TRIP11: variants seen among roughly 807,000 people sequenced by gnomAD.
The protein encoded by TRIP11 is thyroid receptor-interacting protein 11.
In TRIP11, 148 loss-of-function variants were observed where a neutral mutation model predicts 223.1. The ratio of observed to expected loss-of-function variants is 0.66; its 90% CI spans 0.58 to 0.76. TRIP11 has a LOEUF of 0.76. Among genes scored for constraint, TRIP11 ranks in the 30% least tolerant of loss-of-function variants. The probability of loss-of-function intolerance (pLI) is 0.00; values close to 1 mark genes in which losing one functional copy is unlikely to be tolerated. For missense variants in TRIP11, 2,043 were observed against 2,222.0 expected, an observed-to-expected ratio of 0.92 and a Z score of 1.62; for synonymous variants, 762 against 772.6, an observed-to-expected ratio of 0.99 and a Z score of 0.23.
chr14:91,992,529 T>C (rs2056687279), intron 15 of TRIP11, among the ~76,000 whole-genome samples: 2 of 152,168 alleles, frequency 1.3e-5, no homozygotes, highest in Admixed American at 1.3e-4. Flanking sequence ...GGGACGTTAA[T>C]GTTCCTGAAG....
chr14:92,001,845 T>G (rs932790836), intron 11 of TRIP11, among the ~76,000 whole-genome samples: 1 of 152,188 alleles, frequency 6.6e-6, no homozygotes. Flanking sequence ...TCACATCAAT[T>G]ATAGACCAGT....
intron 20 of TRIP11, 85 bp downstream of exon 20, chr14:91,972,632 A>T: frequency 2.9e-6 from 4 of 1,397,966 alleles, no homozygotes; most frequent in Non-Finnish European, 9.7e-7. Flanking sequence ...AAATACTAAA[A>T]ATTTAGTTAA....
chr14:91,977,079 C>T (rs1239524153), intron 16 of TRIP11: 4 of 289,280 alleles, frequency 1.4e-5, no homozygotes, highest in Non-Finnish European at 2.8e-5. Flanking sequence ...AAGAGGAGAG[C>T]TCTATCTAGA....
chr14:91,984,398 C>A (rs535584102), intron 16 of TRIP11, among the ~76,000 whole-genome samples: 92 of 150,298 alleles, frequency 6.1e-4, no homozygotes, highest in African/African-American at 2.0e-3. Context: ...TCACCGCAAC[C>A]TCCACCTCCC....
chr14:92,018,989 ACT>A (rs2057076015), intron 4 of TRIP11, among the ~76,000 whole-genome samples: 1 of 150,996 alleles, frequency 6.6e-6, no homozygotes, highest in Non-Finnish European at 1.5e-5. Context: ...CAAAAAAAAA[ACT>A]TTCAGTTTCC....
intron 2 of TRIP11, among the ~76,000 whole-genome samples, chr14:92,025,895 A>AAAT (rs201160904): frequency 2.6e-5 from 4 of 151,506 alleles, no homozygotes; most frequent in Admixed American, 6.6e-5. Context: ...AAAAAAAAAA[A>AAAT]GCACTGACCA....
intron 1 of TRIP11, among the ~76,000 whole-genome samples, chr14:92,038,254 T>C (rs952470482): frequency 6.6e-6 from 1 of 152,052 alleles, no homozygotes; most frequent in East Asian, 1.9e-4. Context: ...GACATCCAGG[T>C]TGAGGGATGC....
intron 16 of TRIP11, among the ~76,000 whole-genome samples, chr14:91,977,416 A>G (rs746586296): frequency 6.6e-6 from 1 of 152,120 alleles, no homozygotes. Context: ...TTTTGAGTTA[A>G]TTTTTGTGCA....
intron 13 of TRIP11, among the ~76,000 whole-genome samples, chr14:91,996,334 G>C (rs1406795477): frequency 6.6e-6 from 1 of 152,148 alleles, no homozygotes; most frequent in African/African-American, 2.4e-5. Context: ...TGAACAAATG[G>C]CAGTCCTTTT....
intron 1 of TRIP11, among the ~76,000 whole-genome samples, chr14:92,035,534 T>TA (rs201413901): frequency 0.014 from 2,003 of 144,494 alleles, 36 homozygotes; most frequent in South Asian, 0.063. Flanking sequence ...TAATGAGCTT[T>TA]AAAAAAAAAA....
rs1229525494 is a variant in TRIP11 at position 91,990,374 on chromosome 14, GTTGT to G, written c.5161-1995_5161-1992del. ...TTAGATTTTGTTATTCTTTCTACCA[GTTGT>G]TTGGTTTTTATTTCATTAATTACAG... On this transcript the variant is annotated intron_variant, in intron 15 of 20. Transcript: ENST00000267622. 2.6e-5 allele frequency among the ~76,000 whole-genome samples: 4 copies of G among 151,766 alleles called. No individual in the cohort carries two copies. In the East Asian group the frequency reaches 7.7e-4, roughly 29 times the overall value.
Position 92,004,998 on chromosome 14 carries a change from A to G in TRIP11, c.2978T>C (p.Ile993Thr), listed in dbSNP as rs1289615450. Residue 993 changes from isoleucine to threonine, a missense_variant, in exon 11 of 21, where the codon ATT (isoleucine) becomes ACT (threonine). Physicochemically the swap from Ile to Thr is moderately conservative, Grantham distance 89. Coordinates refer to ENST00000267622, the MANE Select transcript of TRIP11 (RefSeq NM_004239.4). Reference protein sequence around the residue: ...RQDIQTDNSDIFQETKVQSLN... With the variant: ...RQDIQTDNSDTFQETKVQSLN... ...GCTCTGAACTTTTGTTTCTTGAAAAATATCAGAGTTATCTGTTTGAATGTC... is the reference window on the plus strand; with the variant it reads ...GCTCTGAACTTTTGTTTCTTGAAAAGTATCAGAGTTATCTGTTTGAATGTC... 3.7e-6 allele frequency: 6 copies of G among 1,613,714 alleles called. No individual in the cohort carries two copies. Among genetic ancestry groups the G allele is most frequent in the Non-Finnish European group, 5.1e-6 (6 of 1,180,008 alleles).
Position 91,969,544 on chromosome 14 carries a change from A to G in TRIP11, c.*129T>C. The stretch of plus-strand genomic sequence containing the variant: ...AAAAGCATTAGGAATATTTTTATTA[A>G]ATTCAGAGAAAGCATAATTGCGAAC... On this transcript the variant is annotated 3_prime_UTR_variant, in exon 21 of 21. Transcript: ENST00000267622. 1.1e-6 allele frequency: 1 copy of G among 917,508 alleles called. No homozygotes were observed. Among genetic ancestry groups the G allele is most frequent in the South Asian group, 1.4e-5 (1 of 71,180 alleles). The allele number at this position is 917,508 out of a possible 1,614,324, so 56.8% of individuals were successfully genotyped here.
rs774064475 is a variant in TRIP11 at position 91,974,751 on chromosome 14, A to G, written c.5458-8T>C. 1.1e-5 allele frequency: 17 copies of G among 1,596,112 alleles called. No individual in the cohort carries two copies. The highest frequency in any genetic ancestry group is 1.3e-5 in the African/African-American group (1 of 74,512). On this transcript the variant is annotated splice_region_variant and splice_polypyrimidine_tract_variant and intron_variant, in intron 18 of 20. Coordinates refer to ENST00000267622, the MANE Select transcript of TRIP11 (RefSeq NM_004239.4). ...CTGATCGTCATGAAACAACTGAAAG[A>G]TTATTTTAAAACAGACAAATATTAT...
intron 20 of TRIP11, among the ~76,000 whole-genome samples, chr14:91,972,516 T>G (rs1392419588): frequency 6.6e-6 from 1 of 152,220 alleles, no homozygotes; most frequent in Non-Finnish European, 1.5e-5. Context: ...CTAAGTCAAT[T>G]AAATATCAGA....
At chr14:92,025,254 A>G in intron 3 of TRIP11, 56 bp downstream of exon 3, 1 of 1,301,276 alleles carries the variant, frequency 7.7e-7, no homozygotes, top group Non-Finnish European at 1.1e-6. Flanking sequence ...AACTCTAAAA[A>G]CATACCTAAA....
rs779653134 is a variant in TRIP11, at chr14:91,969,925, TC to T, written c.5720-33del. On this transcript the variant is annotated intron_variant, in intron 20 of 20. Coordinates refer to ENST00000267622, the MANE Select transcript of TRIP11 (RefSeq NM_004239.4). The stretch of plus-strand genomic sequence containing the variant: ...AATAAAATATGGATTTAGTCTCCTA[TC>T]TTTCACAAAGAAGTCAAAATGAAAT... 5 of 1,591,866 alleles carry T rather than the reference TC, an allele frequency of 3.1e-6. No homozygotes were observed. In the South Asian group the frequency reaches 4.5e-5, roughly 14 times the overall value.
Position 92,004,063 on chromosome 14 carries a change from G to A in TRIP11, c.3913C>T (p.Leu1305Phe), listed in dbSNP as rs1320490478. 6.2e-7 allele frequency: 1 copy of A among 1,614,044 alleles called. No homozygotes were observed. The highest frequency in any genetic ancestry group is 8.5e-7 in the Non-Finnish European group (1 of 1,180,034). The change falls in exon 11 of 21, where the codon CTT becomes TTT. Residue 1305 changes from leucine to phenylalanine, a missense_variant. By Grantham distance (22) the Leu-to-Phe change is conservative. Coordinates refer to ENST00000267622, the MANE Select transcript of TRIP11 (RefSeq NM_004239.4). ...IGQLCNTKDL[L>F]LGKLDIISPQ... ...GAAATAATATCAAGTTTTCCTAAAA[G>A]AAGATCCTTGGTATTGCAAAGCTGC...
chr14:92,007,792 C>T lies in TRIP11; in HGVS notation c.1375G>A (p.Ala459Thr), dbSNP rs372171033. The change falls in exon 10 of 21, where the codon GCT (alanine) becomes ACT (threonine). Residue 459 changes from alanine (A) to threonine (T), a missense_variant. Ala to Thr is a moderately conservative substitution (Grantham distance 58). Transcript: ENST00000267622. Reference sequence around the variant, plus strand: ...GAATCCAAACTTATGTCTCTTGTAGCTGTACTTTTAATTACTTCATATTCA... The same window carrying T: ...GAATCCAAACTTATGTCTCTTGTAGTTGTACTTTTAATTACTTCATATTCA... Reference protein sequence around the residue: ...NNEYEVIKSTATRDISLDSEL... With the variant: ...NNEYEVIKSTTTRDISLDSEL... 3.6e-5 allele frequency: 58 copies of T among 1,613,486 alleles called. No homozygotes were observed. The African/African-American group carries it at 7.6e-4, about 21-fold the overall frequency.
Sources: allele counts gnomAD v4.1 joint callset (sites outside exome capture counted in the v4.1 genomes callset), GRCh38; gene constraint gnomAD v4.1.1; transcripts MANE v1.5; gene names NCBI Gene and HGNC (gene_info 2026-07-23, HGNC 2026-07-21).